The following IQCJ variants were observed in gnomAD, a reference collection of about 807,000 sequenced individuals.
The protein encoded by IQCJ is IQ domain-containing protein J.
A neutral mutation model predicts 11.0 loss-of-function variants in IQCJ; 9 were observed. The observed-to-expected ratio is 0.82, with a 90% CI of 0.49 to 1.43. IQCJ has a LOEUF of 1.43. Ranked by LOEUF, IQCJ falls within the 40% of genes most tolerant of loss-of-function variation. The pLI is 0.00. For missense variants in IQCJ, 146 were observed against 133.2 expected (o/e 1.10, Z -0.47); for synonymous variants, 55 against 51.3 (o/e 1.07, Z -0.31).
chr3:159,126,377 A>G lies in IQCJ; in HGVS notation c.9+56936A>G, dbSNP rs532186879. Among the ~76,000 whole-genome samples, 337 of 152,352 alleles carry G rather than the reference A, an allele frequency of 2.2e-3. 1 individual carries two copies. Among genetic ancestry groups the G allele is most frequent in the African/African-American group, 7.6e-3 (316 of 41,586 alleles). On this transcript the variant is annotated intron_variant, in intron 1 of 3. Coordinates refer to ENST00000397832, the MANE Select transcript of IQCJ (RefSeq NM_001042706.3). ...CTCAGCACAAAATGAATGCTAAGTAAGAGTTAGTTCTGTGTGTCTCCTTCC... is the reference window on the plus strand; with the variant it reads ...CTCAGCACAAAATGAATGCTAAGTAGGAGTTAGTTCTGTGTGTCTCCTTCC...
intron 1 of IQCJ, among the ~76,000 whole-genome samples, chr3:159,216,296 A>G (rs756270871): frequency 9.2e-5 from 14 of 152,162 alleles, no homozygotes; most frequent in Admixed American, 2.0e-4. Flanking sequence ...CTAATTTTTT[A>G]AAGCATATTT....
At chr3:159,105,052 G>A (rs1339601136) in intron 1 of IQCJ, among the ~76,000 whole-genome samples, 7 of 152,202 alleles carry the variant, frequency 4.6e-5, no homozygotes, top group African/African-American at 1.7e-4. Flanking sequence ...AAACAAATGT[G>A]TGAATGAAAT....
At chr3:159,181,191 T>C (rs569130809) in intron 1 of IQCJ, among the ~76,000 whole-genome samples, 22 of 151,742 alleles carry the variant, frequency 1.4e-4, no homozygotes, top group Non-Finnish European at 1.9e-4. Context: ...GCTGTTGCCT[T>C]GATTTCCTTC....
At chr3:159,163,862 C>A (rs971645725) in intron 1 of IQCJ, among the ~76,000 whole-genome samples, 2 of 152,158 alleles carry the variant, frequency 1.3e-5, no homozygotes, top group African/African-American at 4.8e-5. Flanking sequence ...GCATACACTA[C>A]GCTTGAGGTA....
At position 159,138,266 on chromosome 3, in the gene IQCJ, C is replaced by T. The variant is rs1250358755; in HGVS notation, c.9+68825C>T. Reference sequence around the variant, plus strand: ...CACTAAAACACTGGCAGTCAGAGTCCGTTAATGAAGGAAGAGCCTTCTACA... The same window carrying T: ...CACTAAAACACTGGCAGTCAGAGTCTGTTAATGAAGGAAGAGCCTTCTACA... On this transcript the variant is annotated intron_variant, in intron 1 of 3. Coordinates refer to ENST00000397832, the MANE Select transcript of IQCJ (RefSeq NM_001042706.3). Among the ~76,000 whole-genome samples the T allele has an allele frequency of 3.3e-5, 5 of 152,134 alleles. 1 individual carries two copies. The highest frequency in any genetic ancestry group is 4.1e-4 in the South Asian group (2 of 4,820).
intron 1 of IQCJ, among the ~76,000 whole-genome samples, chr3:159,087,276 T>C (rs1384900475): frequency 1.3e-5 from 2 of 151,892 alleles, no homozygotes; most frequent in Non-Finnish European, 2.9e-5. Context: ...GCCCACTTGA[T>C]CATGGTGGAT....
intron 1 of IQCJ, among the ~76,000 whole-genome samples, chr3:159,244,152 C>T (rs928900226): frequency 3.9e-5 from 6 of 151,958 alleles, no homozygotes; most frequent in African/African-American, 1.5e-4. Context: ...ATGGAACTGT[C>T]GAGTAGGCAG....
intron 1 of IQCJ, among the ~76,000 whole-genome samples, chr3:159,123,849 C>T (rs910107111): frequency 6.6e-6 from 1 of 152,086 alleles, no homozygotes; most frequent in Non-Finnish European, 1.5e-5. Flanking sequence ...GAATTAGGAA[C>T]TTCATCTAGA....
At chr3:159,165,630 T>C (rs1037859856) in intron 1 of IQCJ, among the ~76,000 whole-genome samples, 3 of 151,904 alleles carry the variant, frequency 2.0e-5, no homozygotes, top group Admixed American at 6.6e-5. Flanking sequence ...TTTTTTTTTT[T>C]TTGAGACAGA....
downstream of IQCJ, chr3:159,265,798 C>T (rs534003382): frequency 1.6e-3 from 252 of 159,326 alleles, no homozygotes; most frequent in Non-Finnish European, 2.4e-3. Context: ...GCCAGCTGCT[C>T]TGCAGCCCCA....
At position 159,095,236 on chromosome 3, in the gene IQCJ, C is replaced by T. The variant is rs1399402182; in HGVS notation, c.9+25795C>T. Among the ~76,000 whole-genome samples the T allele has an allele frequency of 2.0e-5, 3 of 151,764 alleles. 1 individual carries two copies. Among genetic ancestry groups the T allele is most frequent in the African/African-American group, 7.3e-5 (3 of 41,106 alleles). On this transcript the variant is annotated intron_variant, in intron 1 of 3. Transcript: ENST00000397832. ...ATGACATCAAGTGAAAAATCACAAT[C>T]TTAATTTTTAAATTTAAAATAGTAA...
intron 1 of IQCJ, among the ~76,000 whole-genome samples, chr3:159,159,055 G>C (rs1280015584): frequency 6.6e-6 from 1 of 152,196 alleles, no homozygotes; most frequent in Non-Finnish European, 1.5e-5. Flanking sequence ...GTCAAGAGGG[G>C]AGAGCATGGC....
At chr3:159,211,234 C>G (rs559007716) in intron 1 of IQCJ, among the ~76,000 whole-genome samples, 1 of 152,016 alleles carries the variant, frequency 6.6e-6, no homozygotes, top group Non-Finnish European at 1.5e-5. Context: ...TGAAGTACAC[C>G]GTTGTGGATG....
intron 1 of IQCJ, among the ~76,000 whole-genome samples, chr3:159,111,337 A>G (rs1011191712): frequency 6.6e-6 from 1 of 152,208 alleles, no homozygotes; most frequent in Non-Finnish European, 1.5e-5. Flanking sequence ...CATATTGAAC[A>G]TACTTGTATT....
chr3:159,089,199 G>A (rs1717040334), intron 1 of IQCJ, among the ~76,000 whole-genome samples: 1 of 152,140 alleles, frequency 6.6e-6, no homozygotes, highest in African/African-American at 2.4e-5. Flanking sequence ...GGCTGGATAT[G>A]AAGTTCTGGG....
intron 1 of IQCJ, among the ~76,000 whole-genome samples, chr3:159,190,709 T>A (rs1432600735): frequency 6.6e-6 from 1 of 152,224 alleles, no homozygotes; most frequent in Non-Finnish European, 1.5e-5. Context: ...TGGACCTGTG[T>A]CCCGGTTCTA....
chr3:159,091,674 G>GCGCGCGCACACACA (rs1309106648), intron 1 of IQCJ, among the ~76,000 whole-genome samples: 3 of 81,270 alleles, frequency 3.7e-5, no homozygotes, highest in African/African-American at 2.5e-4. Context: ...ACACACGCAT[G>GCGCGCGCACACACA]CACACACACA....
At chr3:159,124,114 A>T (rs758442035) in intron 1 of IQCJ, among the ~76,000 whole-genome samples, 43 of 152,140 alleles carry the variant, frequency 2.8e-4, no homozygotes, top group Non-Finnish European at 5.0e-4. Context: ...AAGCAGAGTC[A>T]TCCTTCCTAG....
intron 1 of IQCJ, among the ~76,000 whole-genome samples, chr3:159,179,358 C>G (rs1722961662): frequency 6.6e-6 from 1 of 152,124 alleles, no homozygotes; most frequent in Non-Finnish European, 1.5e-5. Flanking sequence ...CATCTACTTA[C>G]AGCAGCAGTG....
Sources: allele counts gnomAD v4.1 joint callset (sites outside exome capture counted in the v4.1 genomes callset), GRCh38; gene constraint gnomAD v4.1.1; transcripts MANE v1.5; gene names NCBI Gene and HGNC (gene_info 2026-07-23, HGNC 2026-07-21).